The following TSPAN3 variants were observed in gnomAD, a reference collection of about 807,000 sequenced individuals.
TSPAN3 encodes the protein tetraspanin-3.
In TSPAN3, 9 loss-of-function variants were observed where a neutral mutation model predicts 31.1. The observed-to-expected ratio is 0.29, with a 90% CI of 0.17 to 0.50. The LOEUF (loss-of-function observed/expected upper bound fraction) is 0.50, where lower values mean the gene tolerates loss of function less well. Among genes scored for constraint, TSPAN3 ranks in the 20% least tolerant of loss-of-function variants. The probability of loss-of-function intolerance (pLI) is 0.98; values close to 1 mark genes in which losing one functional copy is unlikely to be tolerated. For synonymous variants in TSPAN3, 129 were observed against 114.3 expected, an observed-to-expected ratio of 1.13 and a Z score of -0.82; for missense variants, 252 against 313.5, an observed-to-expected ratio of 0.80 and a Z score of 1.48.
intron 6 of TSPAN3, 99 bp downstream of exon 6, chr15:77,052,286 C>T (rs1032859263): frequency 4.8e-6 from 5 of 1,034,270 alleles, no homozygotes; most frequent in Admixed American, 3.9e-5. Flanking sequence ...ACATTACCTA[C>T]ATACACAAAG....
At chr15:77,065,177 G>A (rs774793973) in intron 1 of TSPAN3, among the ~76,000 whole-genome samples, 1 of 152,008 alleles carries the variant, frequency 6.6e-6, no homozygotes, top group Non-Finnish European at 1.5e-5. Context: ...CATAAAGCAC[G>A]ACCCAATCAC....
At chr15:77,060,413 G>GA in intron 1 of TSPAN3, among the ~76,000 whole-genome samples, 1 of 152,272 alleles carries the variant, frequency 6.6e-6, no homozygotes, top group Middle Eastern at 3.4e-3. Context: ...AGTAGCAGCT[G>GA]AAGACCTAAA....
chr15:77,070,653 G>A (rs1380531844), intron 1 of TSPAN3, among the ~76,000 whole-genome samples: 1 of 152,052 alleles, frequency 6.6e-6, no homozygotes, highest in South Asian at 2.1e-4. Flanking sequence ...GCCGGCTGGA[G>A]GCCGTGGAGT....
At chr15:77,049,799 C>T (rs1376202221) in intron 6 of TSPAN3, among the ~76,000 whole-genome samples, 1 of 152,144 alleles carries the variant, frequency 6.6e-6, no homozygotes, top group African/African-American at 2.4e-5. Context: ...CAAACCAAGA[C>T]AAAAATCAAT....
At chr15:77,050,050 A>G (rs2076720221) in intron 6 of TSPAN3, among the ~76,000 whole-genome samples, 1 of 152,196 alleles carries the variant, frequency 6.6e-6, no homozygotes, top group Non-Finnish European at 1.5e-5. Context: ...GAGGGCCAAG[A>G]CTGGAGACTC....
intron 1 of TSPAN3, among the ~76,000 whole-genome samples, chr15:77,063,036 T>C (rs1046167127): frequency 3.3e-5 from 5 of 152,216 alleles, no homozygotes; most frequent in African/African-American, 7.2e-5. Context: ...ATTAGAATAA[T>C]AGTTAAAATT....
chr15:77,060,088 A>G, intron 1 of TSPAN3, among the ~76,000 whole-genome samples: 1 of 152,206 alleles, frequency 6.6e-6, no homozygotes. Context: ...GATAGACTCT[A>G]CAACAGTTTT....
At chr15:77,065,597 T>C (rs2076827609) in intron 1 of TSPAN3, among the ~76,000 whole-genome samples, 2 of 152,262 alleles carry the variant, frequency 1.3e-5, no homozygotes, top group South Asian at 4.1e-4. Context: ...TGGCTAATTT[T>C]TTGTATTTTT....
At chr15:77,051,586 C>T (rs923867034) in intron 6 of TSPAN3, among the ~76,000 whole-genome samples, 28 of 150,702 alleles carry the variant, frequency 1.9e-4, no homozygotes, top group South Asian at 2.1e-4. Flanking sequence ...CGGTGGCTCA[C>T]GCCTGTAAAT....
At chr15:77,051,775 T>C (rs2076732779) in intron 6 of TSPAN3, among the ~76,000 whole-genome samples, 1 of 152,068 alleles carries the variant, frequency 6.6e-6, no homozygotes, top group Non-Finnish European at 1.5e-5. Context: ...GGAGGATCGC[T>C]TGAGCCCAGG....
rs2076672721 is a variant in TSPAN3, at chr15:77,043,806, T to C, written c.*3029A>G. The C allele has an allele frequency of 6.6e-6, 1 of 152,214 alleles. No individual in the cohort carries two copies. The highest frequency in any genetic ancestry group is 6.6e-5 in the Admixed American group (1 of 15,266). 9.4% of individuals were successfully genotyped at this position (152,214 alleles called of 1,614,324 possible). The stretch of plus-strand genomic sequence containing the variant: ...TTAGATGGACGGAATTTGACAACTG[T>C]ACTGCAGTCGTCAGAGAGTATCTTC... On this transcript the variant is annotated 3_prime_UTR_variant, in exon 7 of 7. Transcript: ENST00000267970.
Position 77,050,376 on chromosome 15 carries a change from C to T in TSPAN3, c.669+2009G>A, listed in dbSNP as rs148416464. Among the ~76,000 whole-genome samples the T allele has an allele frequency of 1.4e-3, 209 of 152,222 alleles. 2 individuals are homozygous for T. Among genetic ancestry groups the T allele is most frequent in the African/African-American group, 4.8e-3 (201 of 41,538 alleles). ...GCCTTGCTGAAGTGAAAAAATCAAGCTTTATCAGCTTTTACTTAAGTCAGG... is the reference window on the plus strand; with the variant it reads ...GCCTTGCTGAAGTGAAAAAATCAAGTTTTATCAGCTTTTACTTAAGTCAGG... On this transcript the variant is annotated intron_variant, in intron 6 of 6. Transcript: ENST00000267970.
chr15:77,052,585 A>G lies in TSPAN3; in HGVS notation c.586-117T>C, dbSNP rs188809574. 3.0e-3 allele frequency: 3,472 copies of G among 1,174,628 alleles called. 9 individuals carry two copies. Among genetic ancestry groups the G allele is most frequent in the Non-Finnish European group, 3.7e-3 (3,005 of 813,840 alleles). The allele number at this position is 1,174,628 out of a possible 1,614,324, so 72.8% of individuals were successfully genotyped here. A position where few individuals can be genotyped will look rare whatever the true frequency, so the allele number is the denominator to read the frequency against. ...TGACAGAAACTGAAAGAGTGGAAAA[A>G]AGATTCCATGATTGGTATAATTTAC... On this transcript the variant is annotated intron_variant, in intron 5 of 6. Transcript: ENST00000267970.
chr15:77,064,871 G>A (rs1006349144), intron 1 of TSPAN3: 3 of 152,236 alleles, frequency 2.0e-5, no homozygotes, highest in African/African-American at 4.8e-5. Flanking sequence ...TCAGATGCAG[G>A]TTCCGGTTTA....
chr15:77,069,167 G>A (rs915534308), intron 1 of TSPAN3, among the ~76,000 whole-genome samples: 4 of 152,108 alleles, frequency 2.6e-5, no homozygotes, highest in Admixed American at 2.6e-4. Flanking sequence ...TTGTGCTCTT[G>A]GGCCAGAGAT....
At chr15:77,067,936 G>C (rs942129602) in intron 1 of TSPAN3, 1 of 152,112 alleles carries the variant, frequency 6.6e-6, no homozygotes, top group African/African-American at 2.4e-5. Context: ...TTGAACGCAG[G>C]CTGTATCACA....
rs1265897629 is a variant in TSPAN3, at chr15:77,046,657, A to T, written c.*178T>A. 2 of 569,656 alleles carry T rather than the reference A, an allele frequency of 3.5e-6. No individual in the cohort carries two copies. The highest frequency in any genetic ancestry group is 6.2e-6 in the Non-Finnish European group (2 of 321,754). The allele number at this position is 569,656 out of a possible 1,614,324, so 35.3% of individuals were successfully genotyped here. On this transcript the variant is annotated 3_prime_UTR_variant, in exon 7 of 7. Coordinates refer to ENST00000267970, the MANE Select transcript of TSPAN3 (RefSeq NM_005724.6). Reference sequence around the variant, plus strand: ...CATGAAGAGTCAGCTAGAACAAGGAAAAAGAAAGTCGCAGGTAGTAGGTAA... The same window carrying T: ...CATGAAGAGTCAGCTAGAACAAGGATAAAGAAAGTCGCAGGTAGTAGGTAA...
At chr15:77,069,537 C>G (rs917720187) in intron 1 of TSPAN3, among the ~76,000 whole-genome samples, 2 of 152,150 alleles carry the variant, frequency 1.3e-5, no homozygotes, top group South Asian at 4.1e-4. Context: ...CACGGAAATG[C>G]CAATGTCGCC....
chr15:77,059,184 G>C (rs987512066), intron 1 of TSPAN3, among the ~76,000 whole-genome samples: 1 of 152,134 alleles, frequency 6.6e-6, no homozygotes, highest in African/African-American at 2.4e-5. Flanking sequence ...CCAGGTTCAC[G>C]CCATTCTCCT....
Sources: gnomAD v4.1 joint callset for allele counts (sites outside exome capture counted in the v4.1 genomes callset) on GRCh38, gnomAD v4.1.1 for gene constraint, MANE v1.5 for transcripts, NCBI Gene and HGNC (gene_info 2026-07-23, HGNC 2026-07-21) for gene names.